KCNH8: variants seen among roughly 807,000 people sequenced by gnomAD.
KCNH8 encodes voltage-gated delayed rectifier potassium channel KCNH8.
KCNH8 carries 70 observed loss-of-function variants against 103.6 expected under a neutral mutation model. The ratio of observed to expected loss-of-function variants is 0.68; its 90% CI spans 0.56 to 0.82. KCNH8 has a LOEUF of 0.82. Ranked by LOEUF, KCNH8 falls within the 40% of genes least tolerant of loss-of-function variation. The probability of loss-of-function intolerance (pLI) is 0.00; values close to 1 mark genes in which losing one functional copy is unlikely to be tolerated. For missense variants in KCNH8, 1,217 were observed against 1,329.9 expected, an observed-to-expected ratio of 0.92 and a Z score of 1.32; for synonymous variants, 498 against 489.4, an observed-to-expected ratio of 1.02 and a Z score of -0.23.
chr3:19,365,999 C>A (rs1200097220), intron 5 of KCNH8, among the ~76,000 whole-genome samples: 1 of 151,964 alleles, frequency 6.6e-6, no homozygotes, highest in Non-Finnish European at 1.5e-5. Flanking sequence ...AATTATTGGG[C>A]CAAAGAATGT....
At chr3:19,195,435 T>A (rs2063591465) in intron 1 of KCNH8, among the ~76,000 whole-genome samples, 1 of 151,918 alleles carries the variant, frequency 6.6e-6, no homozygotes, top group Admixed American at 6.6e-5. Context: ...TATATTCATG[T>A]TGACAGGGTA....
chr3:19,156,658 T>G (rs2063183667), intron 1 of KCNH8, among the ~76,000 whole-genome samples: 1 of 152,170 alleles, frequency 6.6e-6, no homozygotes, highest in African/African-American at 2.4e-5. Context: ...CTTTGAGATT[T>G]TTCTGTTTAG....
chr3:19,206,793 A>G (rs1286604950), intron 1 of KCNH8, among the ~76,000 whole-genome samples: 1 of 152,050 alleles, frequency 6.6e-6, no homozygotes, highest in Non-Finnish European at 1.5e-5. Flanking sequence ...GGATGAACTG[A>G]AGGAAGAAAG....
intron 1 of KCNH8, among the ~76,000 whole-genome samples, chr3:19,166,130 T>G (rs916060704): frequency 1.1e-4 from 17 of 152,176 alleles, no homozygotes; most frequent in African/African-American, 4.1e-4. Flanking sequence ...TCCATCATAT[T>G]TGCCTTATTA....
At chr3:19,486,138 T>G (rs1470707347) in intron 11 of KCNH8, among the ~76,000 whole-genome samples, 1 of 152,218 alleles carries the variant, frequency 6.6e-6, no homozygotes, top group Non-Finnish European at 1.5e-5. Context: ...GCTGCTCCCA[T>G]CTACATATAA....
At chr3:19,198,349 G>T (rs2063622939) in intron 1 of KCNH8, among the ~76,000 whole-genome samples, 1 of 151,988 alleles carries the variant, frequency 6.6e-6, no homozygotes, top group Admixed American at 6.6e-5. Flanking sequence ...TAAAAATGGG[G>T]TATTATTCCA....
chr3:19,165,340 G>T (rs2063272742), intron 1 of KCNH8, among the ~76,000 whole-genome samples: 1 of 152,198 alleles, frequency 6.6e-6, no homozygotes, highest in African/African-American at 2.4e-5. Flanking sequence ...CTTTTCTGGA[G>T]TATTATTGTT....
At chr3:19,501,365 C>T (rs1343490908) in intron 11 of KCNH8, among the ~76,000 whole-genome samples, 1 of 152,154 alleles carries the variant, frequency 6.6e-6, no homozygotes, top group Non-Finnish European at 1.5e-5. Flanking sequence ...GAACTGGTAC[C>T]ATTCCTTCTG....
At chr3:19,439,704 AAAG>A (rs1443590485) in intron 8 of KCNH8, among the ~76,000 whole-genome samples, 1 of 152,210 alleles carries the variant, frequency 6.6e-6, no homozygotes, top group Non-Finnish European at 1.5e-5. Context: ...TGCTGTTATT[AAAG>A]AAGACCACAA....
Position 19,512,996 on chromosome 3 carries a change from C to G in KCNH8, c.2106C>G (p.Ile702Met). The G allele has an allele frequency of 6.2e-7, 1 of 1,608,994 alleles. No homozygotes were observed. The highest frequency in any genetic ancestry group is 8.5e-7 in the Non-Finnish European group (1 of 1,176,110). The stretch of plus-strand genomic sequence containing the variant: ...CAGAGCCCAAGGGAAATGGCAACAT[C>G]AACAAGCGACTCCCATCCATTGTGG... ...SQSEPKGNGN[I>M]NKRLPSIVED... Residue 702 changes from isoleucine (I) to methionine (M), a missense_variant, in exon 13 of 16, where the codon ATC (isoleucine) becomes ATG (methionine). By Grantham distance (10) the Ile-to-Met change is conservative (BLOSUM62 1). Around this residue, in one of 3 missense-constraint regions of KCNH8, gnomAD observed 558 missense variants for 495.8 expected, o/e 1.13. Transcript: ENST00000328405.
intron 11 of KCNH8, among the ~76,000 whole-genome samples, chr3:19,492,214 A>G (rs1441288516): frequency 2.0e-5 from 3 of 152,046 alleles, no homozygotes; most frequent in Non-Finnish European, 4.4e-5. Context: ...TTTCACTGCA[A>G]TTGCTTTTGG....
chr3:19,466,851 G>T (rs1279099251), intron 11 of KCNH8, among the ~76,000 whole-genome samples: 2 of 151,558 alleles, frequency 1.3e-5, no homozygotes, highest in South Asian at 2.1e-4. Flanking sequence ...AGTAGAGATG[G>T]GGTTTCTCCA....
chr3:19,505,073 GTATA>G (rs1006079251), intron 11 of KCNH8, among the ~76,000 whole-genome samples: 2 of 144,960 alleles, frequency 1.4e-5, no homozygotes, highest in Non-Finnish European at 3.0e-5. Flanking sequence ...CTCTATATAT[GTATA>G]TATAGATACA....
chr3:19,353,831 G>T (rs954363706), intron 5 of KCNH8, among the ~76,000 whole-genome samples: 2 of 152,092 alleles, frequency 1.3e-5, no homozygotes, highest in African/African-American at 4.8e-5. Context: ...CACAAGACAA[G>T]GATGCCCTCT....
intron 8 of KCNH8, among the ~76,000 whole-genome samples, chr3:19,449,508 T>G (rs1266882697): frequency 3.3e-5 from 5 of 151,948 alleles, no homozygotes; most frequent in African/African-American, 1.2e-4. Context: ...AGTTACATTT[T>G]TAACAACTTC....
At chr3:19,319,317 G>A (rs1354147975) in intron 3 of KCNH8, among the ~76,000 whole-genome samples, 1 of 151,776 alleles carries the variant, frequency 6.6e-6, no homozygotes, top group Non-Finnish European at 1.5e-5. Context: ...TTAAGTATTT[G>A]CACCATCTTG....
chr3:19,507,274 G>C (rs1429345653), intron 11 of KCNH8, among the ~76,000 whole-genome samples: 1 of 152,174 alleles, frequency 6.6e-6, no homozygotes, highest in Non-Finnish European at 1.5e-5. Flanking sequence ...CCACTGCTGT[G>C]GCAATGACGG....
At chr3:19,426,026 A>G (rs2067023894) in intron 7 of KCNH8, among the ~76,000 whole-genome samples, 1 of 152,204 alleles carries the variant, frequency 6.6e-6, no homozygotes, top group Admixed American at 6.5e-5. Context: ...CAGGGCTGTG[A>G]CAACGCAGAG....
intron 2 of KCNH8, among the ~76,000 whole-genome samples, chr3:19,267,639 C>G (rs1030362802): frequency 6.6e-6 from 1 of 151,910 alleles, no homozygotes; most frequent in African/African-American, 2.4e-5. Flanking sequence ...GCTGATTAAC[C>G]CTACAATATC....
Sources: gnomAD v4.1 joint callset for allele counts (sites outside exome capture counted in the v4.1 genomes callset) on GRCh38, gnomAD v4.1.1 for gene constraint, gnomAD v4.1.1 regional missense constraint, MANE v1.5 for transcripts, NCBI Gene and HGNC (gene_info 2026-07-23, HGNC 2026-07-21) for gene names.